Variants in RNASEL observed in about 807,000 individuals in gnomAD.
RNASEL encodes the protein 2-5A-dependent ribonuclease.
Under a neutral mutation model 50.9 loss-of-function variants are expected in RNASEL, and 36 were observed. The observed-to-expected ratio is 0.71, with a 90% CI of 0.54 to 0.93. The LOEUF (loss-of-function observed/expected upper bound fraction) is 0.93. Ranked by LOEUF, RNASEL falls within the 40% of genes least tolerant of loss-of-function variation. RNASEL has a pLI of 0.00. For missense variants in RNASEL, 860 were observed against 894.5 expected (o/e 0.96, Z 0.49); for synonymous variants, 335 against 335.6 (o/e 1.00, Z 0.02).
chr1:182,580,975 G>C (rs1019947782), intron 5 of RNASEL, among the ~76,000 whole-genome samples: 5 of 152,180 alleles, frequency 3.3e-5, no homozygotes, highest in Non-Finnish European at 1.5e-5. Context: ...CCATCCAGGG[G>C]GAGCCTGAAT....
intron 5 of RNASEL, chr1:182,577,114 A>G (rs1344651254): frequency 1.3e-5 from 2 of 150,120 alleles, no homozygotes; most frequent in Non-Finnish European, 3.0e-5. Context: ...CAAACTCCTG[A>G]CCTCGTGATC....
chr1:182,581,482 T>TTC (rs1222072904), intron 4 of RNASEL, 125 bp from the exon 5 acceptor site: 2 of 1,065,258 alleles, frequency 1.9e-6, no homozygotes, highest in Non-Finnish European at 2.6e-6. Flanking sequence ...TCTTTTTTTT[T>TTC]TTTTTTTTTT....
At position 182,585,371 on chromosome 1, in the gene RNASEL, C is replaced by T. The variant is rs765059441; in HGVS notation, c.1436G>A (p.Cys479Tyr). 1.2e-6 allele frequency: 2 copies of T among 1,614,134 alleles called. No homozygotes were observed. The highest frequency in any genetic ancestry group is 1.7e-6 in the Non-Finnish European group (2 of 1,179,982). The change falls in exon 2 of 7, where the codon TGT (cysteine) becomes TAT (tyrosine). Residue 479 changes from cysteine to tyrosine, a missense_variant. By Grantham distance (194) the Cys-to-Tyr change is radical. Coordinates refer to ENST00000367559, the MANE Select transcript of RNASEL (RefSeq NM_021133.4). ...FKAVQELHLS[C>Y]GYTHQDLQPQ... is the part of the protein sequence containing the mutation. ...TTGCAGATCCTGGTGGGTGTATCCA[C>T]AGGACAAGTGTAGTTCTTGAACAGC...
At chr1:182,584,896 T>C (rs988119315) in intron 2 of RNASEL, among the ~76,000 whole-genome samples, 3 of 152,246 alleles carry the variant, frequency 2.0e-5, no homozygotes, top group African/African-American at 7.2e-5. Flanking sequence ...GATTCTGACT[T>C]GTTCTGCCTT....
intron 5 of RNASEL, among the ~76,000 whole-genome samples, chr1:182,580,659 G>T (rs1352619210): frequency 6.6e-6 from 1 of 152,238 alleles, no homozygotes; most frequent in Non-Finnish European, 1.5e-5. Context: ...AGATTGAGAT[G>T]ATGACTAATT....
chr1:182,577,183 A>C (rs1661405763), intron 5 of RNASEL: 1 of 151,956 alleles, frequency 6.6e-6, no homozygotes, highest in Non-Finnish European at 1.5e-5. Context: ...CACCTGGCAA[A>C]AAAATTAAAA....
chr1:182,584,149 G>A lies in RNASEL; in HGVS notation c.1498C>T (p.His500Tyr). 1 of 1,613,794 alleles carries A rather than the reference G, an allele frequency of 6.2e-7. No homozygotes were observed. Among genetic ancestry groups the A allele is most frequent in the Middle Eastern group, 1.7e-4 (1 of 6,058 alleles). Reference sequence around the variant, plus strand: ...ATGCTCTTATCAAAATCTGCCAGGTGAGCAGCTTTCTTAGAATCTAAGGAA... The same window carrying A: ...ATGCTCTTATCAAAATCTGCCAGGTAAGCAGCTTTCTTAGAATCTAAGGAA... ...NILIDSKKAAHLADFDKSIKW... is the reference protein window; with the variant it reads ...NILIDSKKAAYLADFDKSIKW... The change falls in exon 3 of 7, where the codon CAC (histidine) becomes TAC (tyrosine). Residue 500 changes from histidine to tyrosine, a missense_variant. His to Tyr is a moderately conservative substitution (Grantham distance 83). Transcript: ENST00000367559.
At chr1:182,587,403 A>T (rs1661621334) in intron 1 of RNASEL, among the ~76,000 whole-genome samples, 2 of 152,180 alleles carry the variant, frequency 1.3e-5, no homozygotes, top group East Asian at 1.9e-4. Context: ...TTTTAAAATT[A>T]AAAATTTAAA....
In RNASEL at chr1:182,581,285, G is replaced by A. The variant is rs749257214; in HGVS notation, c.1845C>T (p.Leu615=). The A allele has an allele frequency of 2.5e-6, 4 of 1,614,126 alleles. No homozygotes were observed. In the East Asian group the frequency reaches 6.7e-5, roughly 27 times the overall value. The change falls in exon 5 of 7, where the codon CTC becomes CTT. Residue 615 remains leucine (L), a synonymous_variant. Coordinates refer to ENST00000367559, the MANE Select transcript of RNASEL (RefSeq NM_021133.4). Reference sequence around the variant, plus strand: ...CAGAAGGCCCAGGTTGCAGTAGTCTGAGGATCTCACTTTCAGATTTTCGTG... The same window carrying A: ...CAGAAGGCCCAGGTTGCAGTAGTCTAAGGATCTCACTTTCAGATTTTCGTG... ...IKTRKSESEI[L]RLLQPGPSEH...
intron 5 of RNASEL, 55 bp downstream of exon 5, chr1:182,581,170 A>T: frequency 6.2e-7 from 1 of 1,612,858 alleles, no homozygotes; most frequent in East Asian, 2.2e-5. Context: ...AACATAAAAC[A>T]TTACACAAAT....
chr1:182,576,176 C>A (rs543962768), intron 6 of RNASEL, 80 bp downstream of exon 6: 2 of 1,456,976 alleles, frequency 1.4e-6, no homozygotes, highest in South Asian at 2.5e-5. Flanking sequence ...TTTTTTCCAT[C>A]GTAGATATAA....
At chr1:182,576,499 A>G (rs778827309) in intron 5 of RNASEL, 110 bp from the exon 6 acceptor site, 1 of 829,984 alleles carries the variant, frequency 1.2e-6, no homozygotes, top group Non-Finnish European at 1.9e-6. Context: ...CATATATTCT[A>G]TAATTACCAA....
In RNASEL at chr1:182,576,385, T is replaced by A; in HGVS notation, c.1910A>T (p.Asn637Ile). 1 of 1,571,104 alleles carries A rather than the reference T, an allele frequency of 6.4e-7. No homozygotes were observed. The highest frequency in any genetic ancestry group is 8.7e-7 in the Non-Finnish European group (1 of 1,144,656). The change falls in exon 6 of 7, where the codon AAT becomes ATT. Residue 637 changes from asparagine (N) to isoleucine (I), a missense_variant. Physicochemically the swap from Asn to Ile is moderately radical, Grantham distance 149. Transcript: ENST00000367559. ...ATTCATTTTTTTCATAACACATTCA[T>A]TAATCTAAAAAAACAAAAAATAACA... ...KSFDKWTTKI[N>I]ECVMKKMNKF... is the part of the protein sequence containing the mutation.
At position 182,573,767 on chromosome 1, in the gene RNASEL, T is replaced by C. The variant is rs916354512; in HGVS notation, c.*1625A>G. ...AAGCAATCTTGCTGCTCATAAAGTA[T>C]TTTTTAAGCCTTAAATTTGTTCCTA... On this transcript the variant is annotated 3_prime_UTR_variant, in exon 7 of 7. Coordinates refer to ENST00000367559, the MANE Select transcript of RNASEL (RefSeq NM_021133.4). The C allele has an allele frequency of 5.4e-6, 1 of 185,320 alleles. No homozygotes were observed. Among genetic ancestry groups the C allele is most frequent in the Non-Finnish European group, 1.1e-5 (1 of 87,462 alleles). 11.5% of individuals were successfully genotyped at this position (185,320 alleles called of 1,614,324 possible). A position where few individuals can be genotyped will look rare whatever the true frequency, so the allele number is the denominator to read the frequency against.
Position 182,574,860 on chromosome 1 carries a change from C to T in RNASEL, c.*532G>A, listed in dbSNP as rs1195871519. The T allele has an allele frequency of 8.5e-6, 2 of 235,838 alleles. No homozygotes were observed. The highest frequency in any genetic ancestry group is 1.7e-5 in the Non-Finnish European group (2 of 120,328). The allele number at this position is 235,838 out of a possible 1,614,324, so 14.6% of individuals were successfully genotyped here. ...AATACTGAATGAATGAATGAGATTCCTGGAACCCCTATATATGTTTTGGGC... is the reference window on the plus strand; with the variant it reads ...AATACTGAATGAATGAATGAGATTCTTGGAACCCCTATATATGTTTTGGGC... On this transcript the variant is annotated 3_prime_UTR_variant, in exon 7 of 7. Transcript: ENST00000367559.
chr1:182,585,525 C>T lies in RNASEL; in HGVS notation c.1282G>A (p.Gly428Ser), dbSNP rs1403278682. The T allele has an allele frequency of 7.4e-6, 12 of 1,614,012 alleles. No homozygotes were observed. Among genetic ancestry groups the T allele is most frequent in the Non-Finnish European group, 9.3e-6 (11 of 1,180,028 alleles). ...VTFYGSESHR[G>S]HLFVCVTLCE... ...AGGGTGACACACACAAACAAGTGGCCCCTGTGGCTCTCACTCCCATAGAAT... is the reference window on the plus strand; with the variant it reads ...AGGGTGACACACACAAACAAGTGGCTCCTGTGGCTCTCACTCCCATAGAAT... The change falls in exon 2 of 7, where the codon GGC (glycine) becomes AGC (serine). Residue 428 changes from glycine (G) to serine (S), a missense_variant. Gly to Ser is a moderately conservative substitution (Grantham distance 56). Transcript: ENST00000367559.
chr1:182,586,044 C>T lies in RNASEL; in HGVS notation c.763G>A (p.Val255Met), dbSNP rs768280600. The stretch of plus-strand genomic sequence containing the variant: ...TGCTCTTGCTCCAGAAGCCTCTGCA[C>T]CAAACCCAAGTGCTTCTTCTCCACT... ...LAVEKKHLGL[V>M]QRLLEQEHIE... Residue 255 changes from valine (V) to methionine (M), a missense_variant, in exon 2 of 7, where the codon GTG (valine) becomes ATG (methionine). Coordinates refer to ENST00000367559, the MANE Select transcript of RNASEL (RefSeq NM_021133.4). 36 of 1,613,932 alleles carry T rather than the reference C, an allele frequency of 2.2e-5. No homozygotes were observed. The highest frequency in any genetic ancestry group is 2.6e-5 in the Non-Finnish European group (31 of 1,180,038).
rs773808215 is a variant in RNASEL at position 182,586,308 on chromosome 1, C to G, written c.499G>C (p.Gly167Arg). The change falls in exon 2 of 7, where the codon GGA (glycine) becomes CGA (arginine). Residue 167 changes from glycine to arginine, a missense_variant. Gly to Arg is a moderately radical substitution (Grantham distance 125). Coordinates refer to ENST00000367559, the MANE Select transcript of RNASEL (RefSeq NM_021133.4). ...GCGTCCATGAGAGCTGTGGCCCCTC[C>G]TTTCCTCAGCCGCTCTTGATCCTCC... is the stretch of plus-strand genomic sequence containing the variant. ...TKEDQERLRK[G>R]GATALMDAAE... 1 of 1,614,218 alleles carries G rather than the reference C, an allele frequency of 6.2e-7. No homozygotes were observed. Among genetic ancestry groups the G allele is most frequent in the East Asian group, 2.2e-5 (1 of 44,878 alleles).
chr1:182,582,350 A>T (rs1465161524), intron 3 of RNASEL, 92 bp from the exon 4 acceptor site: 19 of 1,444,616 alleles, frequency 1.3e-5, no homozygotes, highest in Non-Finnish European at 1.8e-5. Flanking sequence ...AAACAAGATG[A>T]TGGGAGGAAT....
Sources: gnomAD v4.1 joint callset for allele counts (sites outside exome capture counted in the v4.1 genomes callset) on GRCh38, gnomAD v4.1.1 for gene constraint, MANE v1.5 for transcripts, NCBI Gene and HGNC (gene_info 2026-07-23, HGNC 2026-07-21) for gene names.